The following ZNF737 variants were observed in gnomAD, a reference collection of about 807,000 sequenced individuals.
The protein encoded by ZNF737 is zinc finger protein 102 (Y3).
In ZNF737, 13 loss-of-function variants were observed where a neutral mutation model predicts 11.7. The observed-to-expected ratio is 1.11, with a 90% CI of 0.73 to 1.77. The LOEUF is 1.77. ZNF737 is among the 40% of genes most tolerant of loss of function. The pLI is 0.00. For missense variants in ZNF737, 636 were observed against 638.0 expected, an observed-to-expected ratio of 1.00 and a Z score of 0.03; for synonymous variants, 217 against 216.2, an observed-to-expected ratio of 1.00 and a Z score of -0.03.
intron 1 of ZNF737, among the ~76,000 whole-genome samples, chr19:20,558,432 A>G (rs1199551454): frequency 1.3e-5 from 2 of 152,204 alleles, no homozygotes; most frequent in Non-Finnish European, 2.9e-5. Context: ...CATATGATGC[A>G]CAATTCAATT....
chr19:20,551,964 GAA>G lies in ZNF737; in HGVS notation c.226+509_226+510del, dbSNP rs34524374. ...AACTCTGAATAGCCAAAGCAATCTT[GAA>G]AAAAAAAAAGAACAAAGCAGAAGGA... On this transcript the variant is annotated intron_variant, in intron 3 of 3. Coordinates refer to ENST00000427401, the MANE Select transcript of ZNF737 (RefSeq NM_001159293.2). Among the ~76,000 whole-genome samples the G allele has an allele frequency of 1.1e-4, 16 of 140,346 alleles. 1 individual carries two copies. Among genetic ancestry groups the G allele is most frequent in the South Asian group, 2.2e-4 (1 of 4,468 alleles). The allele number at this position is 140,346 out of a possible 152,430, so 92.1% of individuals were successfully genotyped here.
downstream of ZNF737, among the ~76,000 whole-genome samples, chr19:20,533,114 G>A (rs1967869454): frequency 6.7e-6 from 1 of 150,042 alleles, no homozygotes; most frequent in African/African-American, 2.5e-5. Context: ...TAAAAGAAAA[G>A]TCAATCCTGA....
intron 2 of ZNF737, among the ~76,000 whole-genome samples, chr19:20,552,841 A>G (rs1289128295): frequency 3.3e-5 from 5 of 151,886 alleles, no homozygotes; most frequent in East Asian, 1.9e-4. Context: ...GTGAAACCCC[A>G]TCTCTACTAA....
rs188201094 is a variant in ZNF737 at position 20,543,220 on chromosome 19, C to G, written c.*1372G>C. The G allele has an allele frequency of 1.7e-5, 17 of 985,176 alleles. No homozygotes were observed. Among genetic ancestry groups the G allele is most frequent in the African/African-American group, 3.5e-5 (2 of 57,332 alleles). The allele number at this position is 985,176 out of a possible 1,614,324, so 61.0% of individuals were successfully genotyped here. A position where few individuals can be genotyped will look rare whatever the true frequency, so the allele number is the denominator to read the frequency against. On this transcript the variant is annotated 3_prime_UTR_variant, in exon 4 of 4. Transcript: ENST00000427401. ...AGTTTCTGGGGAAAAAAAAGTGTTT[C>G]TAAACTTAATACATTTGTAGGACTC...
chr19:20,546,451 T>C (rs1179487444), intron 3 of ZNF737, among the ~76,000 whole-genome samples: 1 of 152,176 alleles, frequency 6.6e-6, no homozygotes, highest in African/African-American at 2.4e-5. Context: ...TATTGCAGCA[T>C]GAGGTTTGAA....
intron 1 of ZNF737, 115 bp downstream of exon 1, chr19:20,565,523 C>T: frequency 1.3e-6 from 2 of 1,559,302 alleles, no homozygotes; most frequent in Non-Finnish European, 1.8e-6. Context: ...AAGGAGAACT[C>T]AGGGTGCAGA....
At chr19:20,563,077 AT>A (rs542218090) in intron 1 of ZNF737, among the ~76,000 whole-genome samples, 47 of 148,424 alleles carry the variant, frequency 3.2e-4, no homozygotes, top group Non-Finnish European at 4.3e-4. Flanking sequence ...TTTGGAATTC[AT>A]TTTTTTAACA....
rs544963019 is a variant in ZNF737 at position 20,549,581 on chromosome 19, A to G, written c.226+2894T>C. On this transcript the variant is annotated intron_variant, in intron 3 of 3. Coordinates refer to ENST00000427401, the MANE Select transcript of ZNF737 (RefSeq NM_001159293.2). ...AGGGGTTCAAAACTTCAAAACAACA[A>G]TAAGAGAAATGTTTACTCATAAAAT... Among the ~76,000 whole-genome samples the G allele has an allele frequency of 3.3e-5, 5 of 152,122 alleles. No homozygotes were observed. The East Asian group carries it at 9.7e-4, about 29-fold the overall frequency.
rs543589705 is a variant in ZNF737, at chr19:20,541,997, G to C, written c.*2595C>G. 3.1e-6 allele frequency: 3 copies of C among 981,152 alleles called. No homozygotes were observed. The East Asian group carries it at 3.4e-4, about 112-fold the overall frequency. The allele number at this position is 981,152 out of a possible 1,614,324, so 60.8% of individuals were successfully genotyped here. ...AAATAAAAAATTTAAATAATAAAGA[G>C]TCAAAATTTAATCTATGGGAACAAT... On this transcript the variant is annotated 3_prime_UTR_variant, in exon 4 of 4. Coordinates refer to ENST00000427401, the MANE Select transcript of ZNF737 (RefSeq NM_001159293.2).
At chr19:20,559,594 T>C (rs1969008581) in intron 1 of ZNF737, among the ~76,000 whole-genome samples, 2 of 152,212 alleles carry the variant, frequency 1.3e-5, no homozygotes, top group Middle Eastern at 3.4e-3. Context: ...CAAAAAATAA[T>C]AGATGCTGGC....
chr19:20,565,673 G>C lies in ZNF737; in HGVS notation c.-33C>G. 1 of 1,614,146 alleles carries C rather than the reference G, an allele frequency of 6.2e-7. No individual in the cohort carries two copies. Among genetic ancestry groups the C allele is most frequent in the Non-Finnish European group, 8.5e-7 (1 of 1,180,040 alleles). ...CTTCCAGGGGCTCCCGGGCGTCTTA[G>C]CTGTGGATCTCCCAATACCTGCAGG... On this transcript the variant is annotated 5_prime_UTR_variant, in exon 1 of 4. Coordinates refer to ENST00000427401, the MANE Select transcript of ZNF737 (RefSeq NM_001159293.2).
intron 1 of ZNF737, among the ~76,000 whole-genome samples, chr19:20,557,870 C>T (rs547831458): frequency 3.3e-5 from 5 of 152,198 alleles, no homozygotes; most frequent in South Asian, 4.1e-4. Flanking sequence ...CTGCCTCGGC[C>T]CCACAAAGTG....
At chr19:20,557,381 G>T (rs1968926317) in intron 1 of ZNF737, among the ~76,000 whole-genome samples, 1 of 151,738 alleles carries the variant, frequency 6.6e-6, no homozygotes, top group Admixed American at 6.6e-5. Context: ...TCCAAAAAGG[G>T]TGAATCTGAA....
intron 1 of ZNF737, among the ~76,000 whole-genome samples, chr19:20,561,890 T>C (rs1366529627): frequency 6.6e-6 from 1 of 152,190 alleles, no homozygotes; most frequent in Non-Finnish European, 1.5e-5. Context: ...AGCAAACCAC[T>C]GCAGTGATGT....
chr19:20,565,515 G>C, intron 1 of ZNF737, 123 bp downstream of exon 1: 2 of 1,534,272 alleles, frequency 1.3e-6, no homozygotes, highest in Non-Finnish European at 1.8e-6. Flanking sequence ...AGCTGGGCAA[G>C]GAGAACTCAG....
In ZNF737 at chr19:20,543,275, CA is replaced by C. The variant is rs1968294742; in HGVS notation, c.*1316del. 3.0e-6 allele frequency: 3 copies of C among 985,218 alleles called. No individual in the cohort carries two copies. In the Admixed American group the frequency reaches 1.8e-4, roughly 61 times the overall value. 61.0% of individuals were successfully genotyped at this position (985,218 alleles called of 1,614,324 possible). ...CCAATATAAATTCCCTGATGTTGAA[CA>C]AACTTGAGCAACTGCTTTAGGATTT... On this transcript the variant is annotated 3_prime_UTR_variant, in exon 4 of 4. Transcript: ENST00000427401.
intron 1 of ZNF737, among the ~76,000 whole-genome samples, chr19:20,556,842 A>G (rs1555761286): frequency 6.6e-6 from 1 of 152,232 alleles, no homozygotes; most frequent in Non-Finnish European, 1.5e-5. Flanking sequence ...TATGTGCACA[A>G]TAGTATGATA....
intron 1 of ZNF737, among the ~76,000 whole-genome samples, chr19:20,557,234 T>A (rs1555761411): frequency 6.6e-6 from 1 of 152,156 alleles, no homozygotes; most frequent in East Asian, 1.9e-4. Flanking sequence ...ATTTATCCCA[T>A]TTATCTGTTT....
chr19:20,537,453 C>T (rs40041), downstream of ZNF737, among the ~76,000 whole-genome samples: 76,557 of 147,360 alleles, frequency 0.52, 20,025 homozygotes, highest in East Asian at 0.65. Flanking sequence ...CCACCCGCCT[C>T]GGCCTCCCAA....
Sources: gnomAD v4.1 joint callset for allele counts (sites outside exome capture counted in the v4.1 genomes callset) on GRCh38, gnomAD v4.1.1 for gene constraint, MANE v1.5 for transcripts, NCBI Gene and HGNC (gene_info 2026-07-23, HGNC 2026-07-21) for gene names.